KCNJ6: variants seen among roughly 807,000 people sequenced by gnomAD.
The protein encoded by KCNJ6 is potassium inwardly rectifying channel subfamily J member 6.
KCNJ6 carries 9 observed loss-of-function variants against 34.2 expected under a neutral mutation model. The observed-to-expected ratio is 0.26, with a 90% CI of 0.16 to 0.46. The LOEUF (loss-of-function observed/expected upper bound fraction) is 0.46. Ranked by LOEUF, KCNJ6 falls within the 20% of genes least tolerant of loss-of-function variation. The probability of loss-of-function intolerance (pLI) is 1.00; values close to 1 mark genes in which losing one functional copy is unlikely to be tolerated. For synonymous variants in KCNJ6, 196 were observed against 207.1 expected, an observed-to-expected ratio of 0.95 and a Z score of 0.46; for missense variants, 236 against 531.3, an observed-to-expected ratio of 0.44 and a Z score of 5.46.
Position 37,655,221 on chromosome 21 carries a change from GTGT to G in KCNJ6, c.947-29740_947-29738del, listed in dbSNP as rs2054455853. Among the ~76,000 whole-genome samples, 135 of 18,784 alleles carry G rather than the reference GTGT, an allele frequency of 7.2e-3. 1 individual carries two copies. Among genetic ancestry groups the G allele is most frequent in the East Asian group, 0.011 (9 of 832 alleles). The allele number at this position is 18,784 out of a possible 152,430, so 12.3% of individuals were successfully genotyped here. ...TGTGTGTGTGTGTGTGTGTGTGTGTGTGTGAGAGAGAGAGAGAGAGAGAGAGAG... is the reference window on the plus strand; with the variant it reads ...TGTGTGTGTGTGTGTGTGTGTGTGTGGAGAGAGAGAGAGAGAGAGAGAGAG... On this transcript the variant is annotated intron_variant, in intron 3 of 3. Transcript: ENST00000609713.
chr21:37,721,956 G>A (rs755790664), intron 2 of KCNJ6, among the ~76,000 whole-genome samples: 1 of 150,848 alleles, frequency 6.6e-6, no homozygotes, highest in Non-Finnish European at 1.5e-5. Context: ...GAGCAATCAG[G>A]CAAGGGAAAG....
intron 3 of KCNJ6, among the ~76,000 whole-genome samples, chr21:37,654,593 C>T (rs1053161134): frequency 2.0e-5 from 3 of 152,050 alleles, no homozygotes; most frequent in Non-Finnish European, 4.4e-5. Flanking sequence ...CCATGCAGGG[C>T]CTGCCCATGC....
At chr21:37,824,890 C>T (rs2055391477) in intron 2 of KCNJ6, among the ~76,000 whole-genome samples, 1 of 152,050 alleles carries the variant, frequency 6.6e-6, no homozygotes, top group Admixed American at 6.5e-5. Flanking sequence ...TAAGGATTCT[C>T]CCTAATACAG....
Position 37,715,134 on chromosome 21 carries a change from G to A in KCNJ6, c.26-3C>T, listed in dbSNP as rs1255780090. 1 of 1,605,150 alleles carries A rather than the reference G, an allele frequency of 6.2e-7. No homozygotes were observed. The highest frequency in any genetic ancestry group is 8.5e-7 in the Non-Finnish European group (1 of 1,175,790). ...GGAGTCGCCCTCCAGGACGTTAGCTGGTGGTTTGGAGAAAAGAAAAGAAAC... is the reference window on the plus strand; with the variant it reads ...GGAGTCGCCCTCCAGGACGTTAGCTAGTGGTTTGGAGAAAAGAAAAGAAAC... On this transcript the variant is annotated splice_region_variant and splice_polypyrimidine_tract_variant and intron_variant, in intron 2 of 3. Coordinates refer to ENST00000609713, the MANE Select transcript of KCNJ6 (RefSeq NM_002240.5).
Position 37,619,737 on chromosome 21 carries a change from G to A in KCNJ6, c.*5422C>T, listed in dbSNP as rs965731810. On this transcript the variant is annotated 3_prime_UTR_variant, in exon 4 of 4. Coordinates refer to ENST00000609713, the MANE Select transcript of KCNJ6 (RefSeq NM_002240.5). ...ATGTGTGGCAACCACTGCAGGTCTG[G>A]GCTGCTTTGCTGAGCAGAGACTGGC... 1.3e-5 allele frequency: 2 copies of A among 152,272 alleles called. No individual in the cohort carries two copies. The highest frequency in any genetic ancestry group is 4.8e-5 in the African/African-American group (2 of 41,444). The allele number at this position is 152,272 out of a possible 1,614,324, so 9.4% of individuals were successfully genotyped here. A position where few individuals can be genotyped will look rare whatever the true frequency, so the allele number is the denominator to read the frequency against.
In KCNJ6 at chr21:37,612,658, A is replaced by T. The variant is rs553394131; in HGVS notation, c.*12501T>A. 3 of 151,832 alleles carry T rather than the reference A, an allele frequency of 2.0e-5. No homozygotes were observed. In the South Asian group the frequency reaches 6.3e-4, roughly 32 times the overall value. 9.4% of individuals were successfully genotyped at this position (151,832 alleles called of 1,614,324 possible). On this transcript the variant is annotated 3_prime_UTR_variant, in exon 4 of 4. Transcript: ENST00000609713. ...CTTGGCAAAGGAGCACAGGCAAAAC[A>T]GTGCGGCAAAGAGGGTCTTTTCAAC...
intron 1 of KCNJ6, among the ~76,000 whole-genome samples, chr21:37,891,093 G>C (rs919024614): frequency 6.6e-6 from 1 of 152,202 alleles, no homozygotes; most frequent in South Asian, 2.1e-4. Flanking sequence ...TCAGAAAGGT[G>C]AGTGACAGAA....
At chr21:37,718,460 A>G (rs1292528932) in intron 2 of KCNJ6, among the ~76,000 whole-genome samples, 5 of 152,168 alleles carry the variant, frequency 3.3e-5, no homozygotes, top group Admixed American at 2.0e-4. Flanking sequence ...CCGAAGATGA[A>G]TGTCTGGGTT....
chr21:37,823,788 G>C (rs2055385495), intron 2 of KCNJ6, among the ~76,000 whole-genome samples: 1 of 152,106 alleles, frequency 6.6e-6, no homozygotes, highest in African/African-American at 2.4e-5. Context: ...ATACACCATA[G>C]AAGCAGAGAG....
intron 2 of KCNJ6, among the ~76,000 whole-genome samples, chr21:37,795,759 C>CAAAAA (rs1555845108): frequency 6.7e-6 from 1 of 148,748 alleles, no homozygotes. Flanking sequence ...AAAAAAAAAC[C>CAAAAA]CTGCCACATA....
intron 3 of KCNJ6, among the ~76,000 whole-genome samples, chr21:37,706,564 C>T (rs78840689): frequency 0.014 from 2,036 of 150,720 alleles, 31 homozygotes; most frequent in African/African-American, 0.041. Flanking sequence ...CTGTAAACAG[C>T]TGCGGCTGCC....
At chr21:37,818,373 C>T (rs1601486498) in intron 2 of KCNJ6, among the ~76,000 whole-genome samples, 2 of 152,084 alleles carry the variant, frequency 1.3e-5, no homozygotes, top group South Asian at 2.1e-4. Context: ...ATCTAAAAGG[C>T]GGGCAGGGAC....
At position 37,612,063 on chromosome 21, in the gene KCNJ6, A is replaced by T. The variant is rs1309931888; in HGVS notation, c.*13096T>A. The T allele has an allele frequency of 6.6e-6, 1 of 152,238 alleles. No individual in the cohort carries two copies. The highest frequency in any genetic ancestry group is 1.5e-5 in the Non-Finnish European group (1 of 68,042). The allele number at this position is 152,238 out of a possible 1,614,324, so 9.4% of individuals were successfully genotyped here. A position where few individuals can be genotyped will look rare whatever the true frequency, so the allele number is the denominator to read the frequency against. On this transcript the variant is annotated 3_prime_UTR_variant, in exon 4 of 4. Coordinates refer to ENST00000609713, the MANE Select transcript of KCNJ6 (RefSeq NM_002240.5). ...AAAACTTTGTCTTTGTTTACAGATG[A>T]CATGATCATCTATGTAGAAAATCTG...
Position 37,624,587 on chromosome 21 carries a change from T to A in KCNJ6, c.*572A>T, listed in dbSNP as rs1032410816. 1 of 153,120 alleles carries A rather than the reference T, an allele frequency of 6.5e-6. No homozygotes were observed. The highest frequency in any genetic ancestry group is 1.5e-5 in the Non-Finnish European group (1 of 68,724). 9.5% of individuals were successfully genotyped at this position (153,120 alleles called of 1,614,324 possible). A position where few individuals can be genotyped will look rare whatever the true frequency, so the allele number is the denominator to read the frequency against. The stretch of plus-strand genomic sequence containing the variant: ...CTATGGTACTTTTGTACATGCTGGG[T>A]TTTATTACTAATTACAAAAAGAAAA... On this transcript the variant is annotated 3_prime_UTR_variant, in exon 4 of 4. Transcript: ENST00000609713.
intron 1 of KCNJ6, among the ~76,000 whole-genome samples, chr21:37,864,113 A>AT (rs3988669): frequency 0.51 from 75,635 of 147,092 alleles, 19,259 homozygotes; most frequent in Admixed American, 0.61. Context: ...CCAATTCTCT[A>AT]TTTTTTTTTT....
chr21:37,688,695 GA>G (rs1265860689), intron 3 of KCNJ6, among the ~76,000 whole-genome samples: 4 of 152,202 alleles, frequency 2.6e-5, no homozygotes, highest in African/African-American at 4.8e-5. Context: ...GGGTGGGGGA[GA>G]GGGGTGCAGA....
At chr21:37,680,055 A>G (rs565591540) in intron 3 of KCNJ6, among the ~76,000 whole-genome samples, 142 of 152,294 alleles carry the variant, frequency 9.3e-4, no homozygotes, top group African/African-American at 3.2e-3. Flanking sequence ...CATAGAGCAA[A>G]TCATGCCTTT....
chr21:37,629,940 C>T (rs919539901), intron 3 of KCNJ6, among the ~76,000 whole-genome samples: 5 of 152,034 alleles, frequency 3.3e-5, no homozygotes, highest in African/African-American at 4.8e-5. Flanking sequence ...TAATGTTTGC[C>T]TATCAGTAAA....
chr21:37,820,884 T>C (rs545179940), intron 2 of KCNJ6, among the ~76,000 whole-genome samples: 1 of 152,380 alleles, frequency 6.6e-6, no homozygotes, highest in Admixed American at 6.5e-5. Context: ...TTGGATTTTC[T>C]TGTGAACAAT....
Sources: allele counts gnomAD v4.1 joint callset (sites outside exome capture counted in the v4.1 genomes callset), GRCh38; gene constraint gnomAD v4.1.1; transcripts MANE v1.5; gene names NCBI Gene and HGNC (gene_info 2026-07-23, HGNC 2026-07-21).